Variants in GPNMB observed in about 807,000 individuals in gnomAD.
GPNMB encodes glycoprotein nmb.
A neutral mutation model predicts 57.3 loss-of-function variants in GPNMB; 71 were observed. The observed-to-expected ratio is 1.24, with a 90% CI of 1.02 to 1.51. GPNMB has a LOEUF of 1.51. Among genes scored for constraint, GPNMB ranks in the 40% most tolerant of loss-of-function variants. The pLI is 0.00. For missense variants in GPNMB, 677 were observed against 691.9 expected, an observed-to-expected ratio of 0.98 and a Z score of 0.24; for synonymous variants, 253 against 263.2, an observed-to-expected ratio of 0.96 and a Z score of 0.38.
rs753928951 is a variant in GPNMB at position 23,257,023 on chromosome 7, G to A, written c.499G>A (p.Gly167Arg). ...TGGGAAACCTTTTCCTCACCACCCC[G>A]GATGGAGAAGATGGAATTTCATCTA... The part of the protein sequence containing the change: ...PDGKPFPHHP[G>R]WRRWNFIYVF... Residue 167 changes from glycine (G) to arginine (R), a missense_variant, in exon 4 of 11, where the codon GGA (glycine) becomes AGA (arginine). By Grantham distance (125) the Gly-to-Arg change is moderately radical. Transcript: ENST00000258733. The A allele has an allele frequency of 4.3e-5, 70 of 1,614,170 alleles. No individual in the cohort carries two copies. In the East Asian group the frequency reaches 1.0e-3, roughly 24 times the overall value.
intron 4 of GPNMB, among the ~76,000 whole-genome samples, chr7:23,259,700 G>A (rs919015762): frequency 6.6e-6 from 1 of 152,054 alleles, no homozygotes; most frequent in African/African-American, 2.4e-5. Context: ...AGCACAAACA[G>A]CATTTATTTG....
intron 5 of GPNMB, among the ~76,000 whole-genome samples, 154 bp downstream of exon 5, chr7:23,260,292 T>C (rs1782885150): frequency 6.6e-6 from 1 of 152,192 alleles, no homozygotes; most frequent in Admixed American, 6.5e-5. Flanking sequence ...TCATCTGTTT[T>C]CCAGAATAGC....
chr7:23,261,816 G>C (rs1448341360), intron 6 of GPNMB, among the ~76,000 whole-genome samples: 1 of 152,074 alleles, frequency 6.6e-6, no homozygotes, highest in Non-Finnish European at 1.5e-5. Flanking sequence ...AAATAAAACT[G>C]TGCTGCATTT....
chr7:23,264,920 C>T (rs555402169), intron 6 of GPNMB, among the ~76,000 whole-genome samples: 25 of 152,120 alleles, frequency 1.6e-4, no homozygotes, highest in Non-Finnish European at 3.7e-4. Flanking sequence ...CTACTGAACT[C>T]GAATGGCCTG....
At chr7:23,272,611 C>T (rs1396198111) in intron 9 of GPNMB, among the ~76,000 whole-genome samples, 2 of 152,190 alleles carry the variant, frequency 1.3e-5, no homozygotes, top group African/African-American at 2.4e-5. Flanking sequence ...AGAAATAGAT[C>T]ATTCTTCAAA....
At chr7:23,249,353 C>T (rs1019211952) in intron 1 of GPNMB, among the ~76,000 whole-genome samples, 3 of 152,196 alleles carry the variant, frequency 2.0e-5, no homozygotes, top group Non-Finnish European at 2.9e-5. Flanking sequence ...CAAAACAGGA[C>T]ATCACAGCCC....
chr7:23,253,983 T>C (rs1174209972), intron 2 of GPNMB, among the ~76,000 whole-genome samples, 186 bp from the exon 3 acceptor site: 1 of 152,222 alleles, frequency 6.6e-6, no homozygotes, highest in African/African-American at 2.4e-5. Context: ...GTCTGATTTA[T>C]TTTTTAATTT....
intron 1 of GPNMB, chr7:23,247,618 G>A (rs1406599280): frequency 2.0e-5 from 3 of 152,906 alleles, no homozygotes; most frequent in East Asian, 1.9e-4. Context: ...GAGGAAGAGA[G>A]CTGAGCCGCT....
In GPNMB at chr7:23,259,986, A is replaced by G; in HGVS notation, c.548A>G (p.Tyr183Cys). 2.5e-6 allele frequency: 4 copies of G among 1,614,122 alleles called. No homozygotes were observed. The highest frequency in any genetic ancestry group is 3.4e-6 in the Non-Finnish European group (4 of 1,179,974). The change falls in exon 5 of 11, where the codon TAT becomes TGT. Residue 183 changes from tyrosine (Y) to cysteine (C), a missense_variant. Tyr to Cys is a radical substitution (Grantham distance 194). Transcript: ENST00000258733. Reference protein sequence around the residue: ...FIYVFHTLGQYFQKLGRCSVR... With the variant: ...FIYVFHTLGQCFQKLGRCSVR... ...AATTTCCATCCTCCCAAAGGTCAGT[A>G]TTTCCAGAAATTGGGACGATGTTCA...
intron 6 of GPNMB, among the ~76,000 whole-genome samples, chr7:23,265,351 A>C (rs1468989260): frequency 6.6e-6 from 1 of 152,158 alleles, no homozygotes; most frequent in Non-Finnish European, 1.5e-5. Flanking sequence ...TCTACTTCAC[A>C]TGTCTTTTGA....
rs112757938 is a variant in GPNMB at position 23,251,245 on chromosome 7, G to C, written c.71-2062G>C. ...CTTCTCCTACCAGAGAAGAGGAATA[G>C]AAGGAATAGGTCAGAGACATGCATC... On this transcript the variant is annotated intron_variant, in intron 1 of 10. Transcript: ENST00000258733. 6.5e-3 allele frequency among the ~76,000 whole-genome samples: 989 copies of C among 152,300 alleles called. 11 individuals carry two copies. The highest frequency in any genetic ancestry group is 0.022 in the African/African-American group (934 of 41,556).
intron 6 of GPNMB, among the ~76,000 whole-genome samples, chr7:23,263,365 A>G (rs1290284556): frequency 6.6e-6 from 1 of 152,118 alleles, no homozygotes; most frequent in South Asian, 2.1e-4. Flanking sequence ...TAATCCCAGC[A>G]CTTTGGGAGG....
chr7:23,263,828 T>TA, intron 6 of GPNMB, among the ~76,000 whole-genome samples: 1 of 150,968 alleles, frequency 6.6e-6, no homozygotes, highest in Admixed American at 6.6e-5. Flanking sequence ...CAGGCCATAT[T>TA]AAAGGGCTTG....
At chr7:23,252,953 G>GAA (rs146409359) in intron 1 of GPNMB, among the ~76,000 whole-genome samples, 3 of 150,154 alleles carry the variant, frequency 2.0e-5, no homozygotes, top group Admixed American at 6.6e-5. Context: ...TTCAGAATGG[G>GAA]AAAAAAAAAT....
chr7:23,256,795 T>G, intron 3 of GPNMB, 97 bp from the exon 4 acceptor site: 1 of 947,548 alleles, frequency 1.1e-6, no homozygotes, highest in Non-Finnish European at 1.6e-6. Flanking sequence ...AAACTAGTTA[T>G]GAAAAAAATA....
intron 6 of GPNMB, among the ~76,000 whole-genome samples, chr7:23,265,809 T>C (rs78196688): frequency 0.033 from 4,950 of 151,310 alleles, 217 homozygotes; most frequent in East Asian, 0.12. Context: ...GATTAAATGA[T>C]GTGCCTGTGG....
At chr7:23,260,217 A>G in intron 5 of GPNMB, 79 bp downstream of exon 5, 2 of 1,469,410 alleles carry the variant, frequency 1.4e-6, no homozygotes, top group South Asian at 1.2e-5. Flanking sequence ...GGTAAGGCCA[A>G]GTGTTCGGGG....
Position 23,246,796 on chromosome 7 carries a change from G to C in GPNMB, c.-62G>C. On this transcript the variant is annotated 5_prime_UTR_variant, in exon 1 of 11. Transcript: ENST00000258733. ...TGCCAGAAGAACACTGTTGCTCTTG[G>C]TGGACGGGCCCAGAGGAATTCAGAG... The C allele has an allele frequency of 1.6e-6, 2 of 1,220,442 alleles. No individual in the cohort carries two copies. Among genetic ancestry groups the C allele is most frequent in the Non-Finnish European group, 2.4e-6 (2 of 821,262 alleles). 75.6% of individuals were successfully genotyped at this position (1,220,442 alleles called of 1,614,324 possible). A position where few individuals can be genotyped will look rare whatever the true frequency, so the allele number is the denominator to read the frequency against.
Position 23,253,325 on chromosome 7 carries a change from G to T in GPNMB, c.89G>T (p.Gly30Val), listed in dbSNP as rs111839421. The T allele has an allele frequency of 2.7e-5, 44 of 1,613,542 alleles. No homozygotes were observed. Among genetic ancestry groups the T allele is most frequent in the Non-Finnish European group, 3.6e-5 (42 of 1,179,714 alleles). Residue 30 changes from glycine to valine, a missense_variant, in exon 2 of 11, where the codon GGC becomes GTC. Transcript: ENST00000258733. ...GATACAGGATTTCATGATGTGCTGG[G>T]CAATGAAAGACCTTCTGCTTACATG... ...DAAKRFHDVL[G>V]NERPSAYMRE...
Sources: gnomAD v4.1 joint callset for allele counts (sites outside exome capture counted in the v4.1 genomes callset) on GRCh38, gnomAD v4.1.1 for gene constraint, MANE v1.5 for transcripts, NCBI Gene and HGNC (gene_info 2026-07-23, HGNC 2026-07-21) for gene names.